Variants in SPPL3 observed in about 807,000 individuals in gnomAD.
The protein encoded by SPPL3 is signal peptide peptidase like 3, also known as signal peptide peptidase-like 3.
Under a neutral mutation model 42.4 loss-of-function variants are expected in SPPL3, and 5 were observed. The ratio of observed to expected loss-of-function variants is 0.12; its 90% CI spans 0.06 to 0.25. SPPL3 has a LOEUF of 0.25. Among genes scored for constraint, SPPL3 ranks in the 10% least tolerant of loss-of-function variants. The pLI is 1.00. For missense variants in SPPL3, 235 were observed against 489.0 expected, an observed-to-expected ratio of 0.48 and a Z score of 4.90; for synonymous variants, 195 against 181.8, an observed-to-expected ratio of 1.07 and a Z score of -0.58.
chr12:120,766,100 G>GCGCGCGCA (rs1186435935), intron 10 of SPPL3, among the ~76,000 whole-genome samples, 163 bp downstream of exon 10: 2 of 84,062 alleles, frequency 2.4e-5, no homozygotes, highest in East Asian at 3.4e-4. Context: ...GCGCGCGCGC[G>GCGCGCGCA]CACACACACA....
intron 1 of SPPL3, among the ~76,000 whole-genome samples, chr12:120,832,073 G>T (rs375745944): frequency 2.0e-5 from 3 of 152,180 alleles, no homozygotes; most frequent in Non-Finnish European, 4.4e-5. Context: ...AATAGCAATT[G>T]TATCTGCTTA....
chr12:120,835,893 G>T (rs148048710), intron 1 of SPPL3, among the ~76,000 whole-genome samples: 5 of 152,272 alleles, frequency 3.3e-5, no homozygotes, highest in African/African-American at 1.2e-4. Context: ...GATTTGGTTG[G>T]TAACTTAAAT....
At chr12:120,833,082 G>C (rs948759424) in intron 1 of SPPL3, among the ~76,000 whole-genome samples, 1 of 152,210 alleles carries the variant, frequency 6.6e-6, no homozygotes, top group African/African-American at 2.4e-5. Context: ...AGGAAGAAGA[G>C]ATTGCTTCCA....
intron 2 of SPPL3, among the ~76,000 whole-genome samples, chr12:120,795,358 AT>A (rs1870063097): frequency 6.6e-6 from 1 of 152,232 alleles, no homozygotes; most frequent in Non-Finnish European, 1.5e-5. Flanking sequence ...GGCTGGTACC[AT>A]TTTCATTCTG....
At chr12:120,838,737 CAG>C (rs1871704106) in intron 1 of SPPL3, among the ~76,000 whole-genome samples, 1 of 152,102 alleles carries the variant, frequency 6.6e-6, no homozygotes, top group Non-Finnish European at 1.5e-5. Flanking sequence ...AGAGAGTGGT[CAG>C]ACTCAAAAAA....
chr12:120,795,445 T>C (rs965793328), intron 2 of SPPL3, among the ~76,000 whole-genome samples: 2 of 152,212 alleles, frequency 1.3e-5, no homozygotes, highest in African/African-American at 4.8e-5. Flanking sequence ...TAGTGTATGG[T>C]ATGTCAAAAA....
chr12:120,815,335 G>A (rs1870832097), intron 1 of SPPL3, among the ~76,000 whole-genome samples: 1 of 152,054 alleles, frequency 6.6e-6, no homozygotes, highest in African/African-American at 2.4e-5. Flanking sequence ...ATCTCAGTAT[G>A]GTTTTTATTT....
chr12:120,888,867 G>A (rs890164994), intron 1 of SPPL3, among the ~76,000 whole-genome samples: 8 of 152,030 alleles, frequency 5.3e-5, no homozygotes, highest in African/African-American at 1.9e-4. Context: ...GGAGTACAAT[G>A]GGTGCAATCT....
At chr12:120,825,960 A>G (rs1257841187) in intron 1 of SPPL3, among the ~76,000 whole-genome samples, 1 of 152,208 alleles carries the variant, frequency 6.6e-6, no homozygotes, top group African/African-American at 2.4e-5. Context: ...CAGGGTGTCT[A>G]TCTCTGGTGA....
intron 6 of SPPL3, among the ~76,000 whole-genome samples, chr12:120,770,543 C>T (rs1869079110): frequency 6.6e-6 from 1 of 152,198 alleles, no homozygotes; most frequent in African/African-American, 2.4e-5. Flanking sequence ...TTGCTAGACA[C>T]AGTAATCGAC....
intron 1 of SPPL3, among the ~76,000 whole-genome samples, chr12:120,879,152 CTAAAA>C (rs1873205252): frequency 7.3e-6 from 1 of 136,140 alleles, no homozygotes; most frequent in Non-Finnish European, 1.6e-5. Flanking sequence ...GATAATAAAA[CTAAAA>C]TAAAATAAAG....
chr12:120,871,221 T>A (rs2137049707), intron 1 of SPPL3, among the ~76,000 whole-genome samples: 1 of 150,848 alleles, frequency 6.6e-6, no homozygotes, highest in East Asian at 2.0e-4. Flanking sequence ...CACATGACAG[T>A]ACATTTAAAA....
At chr12:120,768,047 C>T (rs1194578714) in intron 8 of SPPL3, among the ~76,000 whole-genome samples, 5 of 152,156 alleles carry the variant, frequency 3.3e-5, no homozygotes, top group South Asian at 2.1e-4. Flanking sequence ...TTAAAAGGAT[C>T]GAGATTCTCC....
chr12:120,796,715 T>C (rs2136990286), intron 2 of SPPL3, among the ~76,000 whole-genome samples: 1 of 152,334 alleles, frequency 6.6e-6, no homozygotes, highest in East Asian at 1.9e-4. Context: ...TCTAGGGTAA[T>C]TATTCTCTAT....
chr12:120,852,814 TA>T (rs1252130125), intron 1 of SPPL3, among the ~76,000 whole-genome samples: 3 of 145,026 alleles, frequency 2.1e-5, no homozygotes, highest in Admixed American at 7.0e-5. Flanking sequence ...ATATATGAAA[TA>T]TATATTTCAT....
intron 2 of SPPL3, among the ~76,000 whole-genome samples, chr12:120,792,696 C>CAAAA (rs57603403): frequency 2.8e-4 from 20 of 71,748 alleles, no homozygotes; most frequent in African/African-American, 7.6e-4. Context: ...GAGACTGTCT[C>CAAAA]AAAAAAAAAA....
chr12:120,887,982 G>C (rs1384608972), intron 1 of SPPL3, among the ~76,000 whole-genome samples: 1 of 152,186 alleles, frequency 6.6e-6, no homozygotes, highest in African/African-American at 2.4e-5. Flanking sequence ...CAGAAACTAT[G>C]AGCCAGCAAC....
intron 1 of SPPL3, among the ~76,000 whole-genome samples, chr12:120,825,669 T>G (rs76409752): frequency 1.8e-3 from 276 of 152,340 alleles, no homozygotes; most frequent in African/African-American, 6.1e-3. Flanking sequence ...TAGCAGGATT[T>G]TAGCTGCTGG....
Position 120,904,105 on chromosome 12 carries a change from CGCG to C in SPPL3, c.-241_-239del, listed in dbSNP as rs1271955039. 326 of 299,378 alleles carry C rather than the reference CGCG, an allele frequency of 1.1e-3. No homozygotes were observed. The highest frequency in any genetic ancestry group is 2.3e-3 in the East Asian group (42 of 17,958). The allele number at this position is 299,378 out of a possible 1,614,324, so 18.5% of individuals were successfully genotyped here. ...GGCTCCGCTCTCGGCCTCCCTCACCCGCGGCGGCGGCGGCGGCTCCGCTGCAGC... is the reference window on the plus strand; with the variant it reads ...GGCTCCGCTCTCGGCCTCCCTCACCCGCGGCGGCGGCGGCTCCGCTGCAGC... On this transcript the variant is annotated 5_prime_UTR_variant, in exon 1 of 11. Transcript: ENST00000353487.
Sources: gnomAD v4.1 joint callset for allele counts (sites outside exome capture counted in the v4.1 genomes callset) on GRCh38, gnomAD v4.1.1 for gene constraint, MANE v1.5 for transcripts, NCBI Gene and HGNC (gene_info 2026-07-23, HGNC 2026-07-21) for gene names.